CDH4: variants seen among roughly 807,000 people sequenced by gnomAD.
The protein encoded by CDH4 is cadherin 4.
A neutral mutation model predicts 86.0 loss-of-function variants in CDH4; 33 were observed. That is an observed-to-expected ratio of 0.38 (90% CI 0.29 to 0.51). The LOEUF (loss-of-function observed/expected upper bound fraction) is 0.51. Among genes scored for constraint, CDH4 ranks in the 20% least tolerant of loss-of-function variants. The pLI, the probability that CDH4 is intolerant of heterozygous loss-of-function variation, is 0.86. For synonymous variants in CDH4, 555 were observed against 549.4 expected, an observed-to-expected ratio of 1.01 and a Z score of -0.14; for missense variants, 1,114 against 1,307.4, an observed-to-expected ratio of 0.85 and a Z score of 2.28.
intron 2 of CDH4, among the ~76,000 whole-genome samples, chr20:61,397,445 C>A (rs6061300): frequency 6.6e-6 from 1 of 151,812 alleles, no homozygotes; most frequent in Admixed American, 6.6e-5. Flanking sequence ...GCTTCCTAAA[C>A]GCATACTTAG....
At position 61,938,684 on chromosome 20, in the gene CDH4, C is replaced by G. The variant is rs1428123435; in HGVS notation, c.*1741C>G. ...GAGCTCCACCAGGGGCCCCGGCCCC[C>G]ACCTCAGCCTATGGCCCTTCCCCAT... On this transcript the variant is annotated 3_prime_UTR_variant, in exon 16 of 16. Coordinates refer to ENST00000614565, the MANE Select transcript of CDH4 (RefSeq NM_001794.5). The G allele has an allele frequency of 1.3e-5, 2 of 152,568 alleles. No homozygotes were observed. The highest frequency in any genetic ancestry group is 4.8e-5 in the African/African-American group (2 of 41,462). The allele number at this position is 152,568 out of a possible 1,614,324, so 9.5% of individuals were successfully genotyped here. A position where few individuals can be genotyped will look rare whatever the true frequency, so the allele number is the denominator to read the frequency against.
rs538082200 is a variant in CDH4, at chr20:61,546,209, C to A, written c.170-197354C>A. On this transcript the variant is annotated intron_variant, in intron 2 of 15. Transcript: ENST00000614565. ...GTGGGATACGGTATTCACATTCGTG[C>A]GTGTGTGTGGAGGGTGTGTGCATGT... Among the ~76,000 whole-genome samples the A allele has an allele frequency of 1.7e-3, 100 of 60,494 alleles. 2 individuals carry two copies. In the South Asian group the frequency reaches 0.056, roughly 34 times the overall value. 39.7% of individuals were successfully genotyped at this position (60,494 alleles called of 152,430 possible).
At chr20:61,428,319 T>A (rs1320242252) in intron 2 of CDH4, among the ~76,000 whole-genome samples, 1 of 152,192 alleles carries the variant, frequency 6.6e-6, no homozygotes, top group African/African-American at 2.4e-5. Flanking sequence ...AATATATGCA[T>A]ATCCTATGCC....
chr20:61,367,826 A>G (rs2084819025), intron 2 of CDH4, among the ~76,000 whole-genome samples: 1 of 147,728 alleles, frequency 6.8e-6, no homozygotes, highest in Admixed American at 6.7e-5. Flanking sequence ...CAAGTACAGG[A>G]TGTATATTGT....
chr20:61,405,441 T>G (rs1443484669), intron 2 of CDH4, among the ~76,000 whole-genome samples: 1 of 151,974 alleles, frequency 6.6e-6, no homozygotes, highest in East Asian at 1.9e-4. Flanking sequence ...TCCTGTAAAG[T>G]AAAGATAAAA....
intron 2 of CDH4, among the ~76,000 whole-genome samples, chr20:61,699,663 G>A (rs1244334010): frequency 6.6e-6 from 1 of 152,192 alleles, no homozygotes; most frequent in Non-Finnish European, 1.5e-5. Context: ...TTTCGTGGAG[G>A]TCACTGTGTC....
At chr20:61,766,122 C>A (rs1277343818) in intron 3 of CDH4, among the ~76,000 whole-genome samples, 1 of 151,910 alleles carries the variant, frequency 6.6e-6, no homozygotes, top group Non-Finnish European at 1.5e-5. Context: ...GCCCCTCGGT[C>A]TGGGTCCAGG....
chr20:61,840,399 A>T (rs1460592953), intron 4 of CDH4, among the ~76,000 whole-genome samples: 1 of 152,192 alleles, frequency 6.6e-6, no homozygotes, highest in Non-Finnish European at 1.5e-5. Context: ...TTTCAAGTTC[A>T]TTTGAAACCT....
At chr20:61,390,406 G>A (rs8122077) in intron 2 of CDH4, among the ~76,000 whole-genome samples, 288 of 106,754 alleles carry the variant, frequency 2.7e-3, no homozygotes, top group African/African-American at 6.1e-3. Flanking sequence ...GGGAAACCCC[G>A]ATTGAGATCG....
At chr20:61,901,222 T>TAGGGGCAGGGGCAGGAGTAGGGGC (rs1985388155) in intron 8 of CDH4, among the ~76,000 whole-genome samples, 1 of 132,428 alleles carries the variant, frequency 7.6e-6, no homozygotes. Context: ...GCAGGAGGAG[T>TAGGGGCAGGGGCAGGAGTAGGGGC]AGGGGCAGGG....
In CDH4 at chr20:61,751,877, A is replaced by G. The variant is rs150291685; in HGVS notation, c.396+8088A>G. On this transcript the variant is annotated intron_variant, in intron 3 of 15. Transcript: ENST00000614565. ...AAAAAAGTAAAATGACCCCTACCTC[A>G]CACCACAACCAAAATCCATTTGAGG... 6.6e-3 allele frequency among the ~76,000 whole-genome samples: 1,005 copies of G among 152,316 alleles called. 10 individuals are homozygous for G. The highest frequency in any genetic ancestry group is 0.023 in the African/African-American group (967 of 41,556).
At position 61,587,622 on chromosome 20, in the gene CDH4, A is replaced by G. The variant is rs114796100; in HGVS notation, c.170-155941A>G. Among the ~76,000 whole-genome samples the G allele has an allele frequency of 3.9e-3, 598 of 152,150 alleles. 7 individuals are homozygous for G. The highest frequency in any genetic ancestry group is 0.014 in the African/African-American group (572 of 41,506). The stretch of plus-strand genomic sequence containing the variant: ...CTCCGCTCCTTCCCCAGCTGACCCC[A>G]TAACCAGCTGGGGCACCACGTCTTC... On this transcript the variant is annotated intron_variant, in intron 2 of 15. Coordinates refer to ENST00000614565, the MANE Select transcript of CDH4 (RefSeq NM_001794.5).
chr20:61,846,997 G>A (rs1982485451), intron 5 of CDH4, among the ~76,000 whole-genome samples: 2 of 152,232 alleles, frequency 1.3e-5, no homozygotes, highest in Admixed American at 1.3e-4. Flanking sequence ...GGAGGACTCA[G>A]GACCCAGCAC....
chr20:61,704,442 G>A (rs922451899), intron 2 of CDH4, among the ~76,000 whole-genome samples: 2 of 152,164 alleles, frequency 1.3e-5, no homozygotes, highest in African/African-American at 4.8e-5. Context: ...TGGGTGCTGT[G>A]CCACCTTTCA....
At chr20:61,508,770 T>A (rs2085759495) in intron 2 of CDH4, among the ~76,000 whole-genome samples, 1 of 152,206 alleles carries the variant, frequency 6.6e-6, no homozygotes, top group Non-Finnish European at 1.5e-5. Flanking sequence ...TCAGCTGCTC[T>A]TGAGCAGCAC....
intron 2 of CDH4, among the ~76,000 whole-genome samples, chr20:61,506,765 G>A (rs1284964268): frequency 6.6e-6 from 1 of 152,204 alleles, no homozygotes; most frequent in East Asian, 1.9e-4. Flanking sequence ...GGGGTCTCGA[G>A]GGACCTGCTC....
chr20:61,670,779 G>T (rs1157602572), intron 2 of CDH4, among the ~76,000 whole-genome samples: 3 of 152,182 alleles, frequency 2.0e-5, no homozygotes, highest in Admixed American at 1.3e-4. Context: ...ATGGAAATGT[G>T]GGGAAGTCTG....
intron 4 of CDH4, among the ~76,000 whole-genome samples, chr20:61,803,068 C>T (rs1979917638): frequency 6.6e-6 from 1 of 152,236 alleles, no homozygotes; most frequent in African/African-American, 2.4e-5. Context: ...TTCCCACGCC[C>T]CCACTGCTAA....
intron 11 of CDH4, among the ~76,000 whole-genome samples, chr20:61,927,158 C>T (rs530514717): frequency 6.8e-4 from 103 of 152,366 alleles, no homozygotes; most frequent in Middle Eastern, 3.4e-3. Flanking sequence ...TTACATGGTT[C>T]GCCTGCCTCA....
Sources: allele counts gnomAD v4.1 joint callset (sites outside exome capture counted in the v4.1 genomes callset), GRCh38; gene constraint gnomAD v4.1.1; transcripts MANE v1.5; gene names NCBI Gene and HGNC (gene_info 2026-07-23, HGNC 2026-07-21).